Variants in SYT16 observed in about 807,000 individuals in gnomAD.
The protein encoded by SYT16 is synaptotagmin-16.
SYT16 carries 42 observed loss-of-function variants against 61.4 expected under a neutral mutation model. The observed-to-expected ratio is 0.68, with a 90% confidence interval of 0.53 to 0.89. SYT16 has a LOEUF of 0.89. Ranked by LOEUF, SYT16 falls within the 40% of genes least tolerant of loss-of-function variation. The pLI, the probability that SYT16 is intolerant of heterozygous loss-of-function variation, is 0.00. For missense variants in SYT16, 804 were observed against 807.3 expected (o/e 1.00, Z 0.05); for synonymous variants, 314 against 302.3 (o/e 1.04, Z -0.40).
intron 1 of SYT16, among the ~76,000 whole-genome samples, chr14:61,886,976 C>G (rs1486208814): frequency 6.9e-6 from 1 of 144,952 alleles, no homozygotes; most frequent in Non-Finnish European, 1.5e-5. Context: ...TGGGCTCAAG[C>G]TATCCTCCCG....
intron 3 of SYT16, among the ~76,000 whole-genome samples, chr14:61,996,761 A>T (rs2052789785): frequency 6.6e-6 from 1 of 152,068 alleles, no homozygotes; most frequent in South Asian, 2.1e-4. Context: ...TCAAAACAAT[A>T]GTTCTGAGCA....
intron 1 of SYT16, among the ~76,000 whole-genome samples, chr14:61,858,603 A>T (rs1018457889): frequency 2.6e-5 from 4 of 152,208 alleles, no homozygotes; most frequent in Non-Finnish European, 5.9e-5. Context: ...AGGAAAAAAA[A>T]TCTTCATAAT....
intron 3 of SYT16, among the ~76,000 whole-genome samples, chr14:61,999,861 A>C (rs2052922212): frequency 6.6e-6 from 1 of 151,658 alleles, no homozygotes; most frequent in Non-Finnish European, 1.5e-5. Flanking sequence ...GGAATATTCT[A>C]TATATTTTTC....
intron 1 of SYT16, among the ~76,000 whole-genome samples, chr14:61,892,826 C>G (rs527740217): frequency 1.3e-5 from 2 of 152,306 alleles, no homozygotes; most frequent in South Asian, 4.1e-4. Flanking sequence ...GGCACCATTA[C>G]TGTTCCCATT....
intron 1 of SYT16, among the ~76,000 whole-genome samples, chr14:61,895,741 C>T (rs1324693682): frequency 6.6e-6 from 1 of 152,176 alleles, no homozygotes; most frequent in Non-Finnish European, 1.5e-5. Flanking sequence ...TCTTGCATTA[C>T]TACCACTGTT....
rs544184050 is a variant in SYT16, at chr14:61,837,329, T to C, written c.-325+24519T>C. On this transcript the variant is annotated intron_variant, in intron 1 of 7. Transcript: ENST00000683842. Reference sequence around the variant, plus strand: ...TTGGTTCACTGCAACCTCTGTCTCCTGGGCTCAAGTGATCCTCCCACCTCA... The same window carrying C: ...TTGGTTCACTGCAACCTCTGTCTCCCGGGCTCAAGTGATCCTCCCACCTCA... Among the ~76,000 whole-genome samples, 10 of 151,514 alleles carry C rather than the reference T, an allele frequency of 6.6e-5. No homozygotes were observed. The East Asian group carries it at 9.7e-4, about 15-fold the overall frequency.
intron 3 of SYT16, among the ~76,000 whole-genome samples, chr14:62,054,313 T>TG (rs2055442289): frequency 6.6e-6 from 1 of 151,842 alleles, no homozygotes. Context: ...GTATGATTTT[T>TG]TTTTTTTGAA....
intron 3 of SYT16, among the ~76,000 whole-genome samples, chr14:62,028,789 C>A (rs1054482510): frequency 6.6e-6 from 1 of 151,986 alleles, no homozygotes; most frequent in African/African-American, 2.4e-5. Context: ...AAACCCCATA[C>A]TATTTTTAAT....
chr14:61,916,060 A>G (rs561611243), intron 1 of SYT16, among the ~76,000 whole-genome samples: 1 of 152,304 alleles, frequency 6.6e-6, no homozygotes, highest in South Asian at 2.1e-4. Context: ...GTCTTTAAGC[A>G]TATTTTTTTT....
intron 1 of SYT16, among the ~76,000 whole-genome samples, chr14:61,916,302 G>C (rs1231676974): frequency 6.6e-6 from 1 of 151,952 alleles, no homozygotes; most frequent in African/African-American, 2.4e-5. Flanking sequence ...TTTTTATAAG[G>C]CTGCTTTTAT....
chr14:61,816,760 C>G (rs535566072), intron 1 of SYT16, among the ~76,000 whole-genome samples: 3 of 152,064 alleles, frequency 2.0e-5, no homozygotes, highest in African/African-American at 7.2e-5. Context: ...GCCTGTAATC[C>G]CAGCACTTTG....
At chr14:62,013,833 G>A (rs2053560020) in intron 3 of SYT16, among the ~76,000 whole-genome samples, 1 of 152,062 alleles carries the variant, frequency 6.6e-6, no homozygotes, top group African/African-American at 2.4e-5. Context: ...GCATAGTGGT[G>A]GGCACCTGTA....
intron 1 of SYT16, chr14:61,832,441 T>G (rs2045970531): frequency 2.3e-6 from 1 of 432,980 alleles, no homozygotes; most frequent in African/African-American, 2.0e-5. Flanking sequence ...TCTTTTTTGT[T>G]TTTTTCTTTT....
intron 1 of SYT16, among the ~76,000 whole-genome samples, chr14:61,955,136 A>C (rs1166427754): frequency 1.3e-5 from 2 of 152,108 alleles, no homozygotes; most frequent in Admixed American, 1.3e-4. Flanking sequence ...ATTAACATAC[A>C]AAAGCTGTGG....
intron 1 of SYT16, among the ~76,000 whole-genome samples, chr14:61,824,169 C>T (rs912338669): frequency 3.3e-5 from 5 of 152,146 alleles, no homozygotes; most frequent in African/African-American, 1.2e-4. Flanking sequence ...AAATCTTTGT[C>T]AATTCTCCCA....
chr14:62,042,471 A>G (rs2054774047), intron 3 of SYT16, among the ~76,000 whole-genome samples: 1 of 152,206 alleles, frequency 6.6e-6, no homozygotes, highest in Non-Finnish European at 1.5e-5. Flanking sequence ...GCAATGGTCT[A>G]CCTGGGGCTG....
At chr14:61,923,565 C>T (rs554515821) in intron 1 of SYT16, among the ~76,000 whole-genome samples, 11 of 152,176 alleles carry the variant, frequency 7.2e-5, no homozygotes, top group South Asian at 2.1e-4. Context: ...AGTGAGCGAG[C>T]GGAAACATTT....
At chr14:61,841,425 A>T (rs1389771838) in intron 1 of SYT16, among the ~76,000 whole-genome samples, 1 of 152,220 alleles carries the variant, frequency 6.6e-6, no homozygotes, top group African/African-American at 2.4e-5. Context: ...TTAGCATGTA[A>T]TTAGAAGCAA....
intron 1 of SYT16, among the ~76,000 whole-genome samples, chr14:61,967,342 G>A (rs1375432160): frequency 6.6e-6 from 1 of 152,184 alleles, no homozygotes; most frequent in Non-Finnish European, 1.5e-5. Context: ...GATGCCATTG[G>A]ATGGTGCATT....
Sources: allele counts gnomAD v4.1 joint callset (sites outside exome capture counted in the v4.1 genomes callset), GRCh38; gene constraint gnomAD v4.1.1; transcripts MANE v1.5; gene names NCBI Gene and HGNC (gene_info 2026-07-23, HGNC 2026-07-21).